Variants in ARHGAP30 observed in about 807,000 individuals in gnomAD.
ARHGAP30 encodes the protein rho GTPase-activating protein 30.
Under a neutral mutation model 72.0 loss-of-function variants are expected in ARHGAP30, and 23 were observed. The ratio of observed to expected loss-of-function variants is 0.32; its 90% CI spans 0.23 to 0.45. The LOEUF is 0.45. Ranked by LOEUF, ARHGAP30 falls within the 20% of genes least tolerant of loss-of-function variation. The pLI, the probability that ARHGAP30 is intolerant of heterozygous loss-of-function variation, is 1.00. For missense variants in ARHGAP30, 1,319 were observed against 1,383.4 expected (o/e 0.95, Z 0.74); for synonymous variants, 576 against 528.2 (o/e 1.09, Z -1.24).
intron 1 of ARHGAP30, among the ~76,000 whole-genome samples, chr1:161,064,953 GA>G (rs532916101): frequency 1.4e-4 from 21 of 151,686 alleles, no homozygotes; most frequent in Non-Finnish European, 2.4e-4. Context: ...GGGAAGAAGG[GA>G]AGGGAAGGGG....
intron 5 of ARHGAP30, 43 bp downstream of exon 5, chr1:161,054,323 G>A (rs368436873): frequency 8.3e-6 from 13 of 1,566,424 alleles, no homozygotes; most frequent in Non-Finnish European, 1.1e-5. Context: ...CCAAAGGCCA[G>A]TGTCTCACAG....
chr1:161,069,300 C>A lies in ARHGAP30; in HGVS notation c.97+228G>T, dbSNP rs1172596728. Among the ~76,000 whole-genome samples the A allele has an allele frequency of 6.6e-6, 1 of 152,134 alleles. No homozygotes were observed. The highest frequency in any genetic ancestry group is 1.5e-5 in the Non-Finnish European group (1 of 68,014). On this transcript the variant is annotated intron_variant, in intron 1 of 11. Coordinates refer to ENST00000368013, the MANE Select transcript of ARHGAP30 (RefSeq NM_001025598.2). The surrounding 1 kb of genome is among the most constrained non-coding windows in gnomAD (Gnocchi z 4.9). ...GCTACCTGGGTACTCACATTCTCAT[C>A]CCCTCAGCCACCCCATCCCCAGAAA...
Position 161,053,466 on chromosome 1 carries a change from CT to C in ARHGAP30, c.537-82del, listed in dbSNP as rs1427925467. ...ATTCTCCCTGAAAATACCTTATTCT[CT>C]CTCTCTCTCTCTCTCTCTCTCTCTC... On this transcript the variant is annotated intron_variant, in intron 5 of 11. Coordinates refer to ENST00000368013, the MANE Select transcript of ARHGAP30 (RefSeq NM_001025598.2). The C allele has an allele frequency of 4.5e-5, 22 of 484,810 alleles. No individual in the cohort carries two copies. The African/African-American group carries it at 2.7e-3, about 59-fold the overall frequency. The allele number at this position is 484,810 out of a possible 1,614,324, so 30.0% of individuals were successfully genotyped here.
intron 11 of ARHGAP30, 30 bp from the exon 12 acceptor site, chr1:161,049,364 A>G: frequency 6.2e-7 from 1 of 1,603,304 alleles, no homozygotes; most frequent in Non-Finnish European, 8.5e-7. Flanking sequence ...ACTCAGGACC[A>G]GGAGGCCCTG....
intron 9 of ARHGAP30, 114 bp downstream of exon 9, chr1:161,052,172 C>T (rs1571080855): frequency 9.1e-7 from 1 of 1,097,990 alleles, no homozygotes; most frequent in South Asian, 1.3e-5. Context: ...ATATAATAGG[C>T]ACTCATTAAA....
Position 161,069,499 on chromosome 1 carries a change from C to A in ARHGAP30, c.97+29G>T, listed in dbSNP as rs1345890867. 1 of 1,599,612 alleles carries A rather than the reference C, an allele frequency of 6.3e-7. No individual in the cohort carries two copies. Among genetic ancestry groups the A allele is most frequent in the South Asian group, 1.1e-5 (1 of 90,956 alleles). ...CAGATGCCCAGTGCCTCCCCACCCA[C>A]CCTGCAGAAGCTGAGCCGGCCTCCT... On this transcript the variant is annotated intron_variant, in intron 1 of 11. Transcript: ENST00000368013. This position sits in a 1 kb window ranked among gnomAD's most constrained non-coding sequence, Gnocchi z 4.9.
Position 161,049,079 on chromosome 1 carries a change from C to T in ARHGAP30, c.1942G>A (p.Gly648Ser), listed in dbSNP as rs775411304. 4 of 1,614,152 alleles carry T rather than the reference C, an allele frequency of 2.5e-6. No individual in the cohort carries two copies. Among genetic ancestry groups the T allele is most frequent in the African/African-American group, 1.3e-5 (1 of 75,052 alleles). ...AGCGRQALGQ[G>S]GEEQACWEVG... is the part of the protein sequence containing the mutation. ...TCCCAGCATGCCTGCTCTTCCCCAC[C>T]CTGTCCCAGAGCCTGCCTTCCACAT... Residue 648 changes from glycine to serine, a missense_variant, in exon 12 of 12, where the codon GGT becomes AGT. This residue lies in a region of ARHGAP30 where 1,097 missense variants were observed against 1,045.2 expected (regional missense o/e 1.05). Transcript: ENST00000368013.
chr1:161,061,059 T>G (rs1365729169), intron 1 of ARHGAP30, among the ~76,000 whole-genome samples: 1 of 151,892 alleles, frequency 6.6e-6, no homozygotes, highest in Non-Finnish European at 1.5e-5. Context: ...TGAAGGAACA[T>G]TAGTTGTCCC....
At chr1:161,064,354 A>G (rs924867929) in intron 1 of ARHGAP30, among the ~76,000 whole-genome samples, 4 of 152,272 alleles carry the variant, frequency 2.6e-5, no homozygotes, top group Non-Finnish European at 5.9e-5. Flanking sequence ...TTAATCAATT[A>G]TGAGAATCAA....
intron 10 of ARHGAP30, among the ~76,000 whole-genome samples, chr1:161,050,723 C>T (rs533794828): frequency 6.6e-6 from 1 of 152,198 alleles, no homozygotes; most frequent in African/African-American, 2.4e-5. Flanking sequence ...TCGCTGCAGC[C>T]TCTGCCTCCT....
chr1:161,053,790 C>A (rs1048341644), intron 5 of ARHGAP30, among the ~76,000 whole-genome samples: 7 of 152,210 alleles, frequency 4.6e-5, no homozygotes, highest in African/African-American at 1.4e-4. Flanking sequence ...TGAGGCCGGA[C>A]AGAGTGGCTC....
chr1:161,060,735 TCTGTTGCCCAG>T (rs1652255001), intron 1 of ARHGAP30, among the ~76,000 whole-genome samples: 1 of 128,222 alleles, frequency 7.8e-6, no homozygotes, highest in African/African-American at 3.1e-5. Flanking sequence ...GGAGTCTCAC[TCTGTTGCCCAG>T]GCTGGAGTGC....
chr1:161,067,296 G>C (rs751866153), intron 1 of ARHGAP30, among the ~76,000 whole-genome samples: 3 of 152,198 alleles, frequency 2.0e-5, no homozygotes, highest in African/African-American at 7.2e-5. Flanking sequence ...CAATCGGCCA[G>C]GTGCGGTGGC....
intron 1 of ARHGAP30, among the ~76,000 whole-genome samples, chr1:161,064,087 T>A (rs977670125): frequency 6.6e-6 from 1 of 152,254 alleles, no homozygotes; most frequent in African/African-American, 2.4e-5. Context: ...GTTAAGTACT[T>A]GATGTCTGTC....
chr1:161,049,988 C>T (rs1651232036), intron 10 of ARHGAP30, among the ~76,000 whole-genome samples: 1 of 152,162 alleles, frequency 6.6e-6, no homozygotes, highest in Non-Finnish European at 1.5e-5. Context: ...AGAGATTAAG[C>T]AATTTGTCTA....
chr1:161,057,741 G>T (rs966063478), intron 2 of ARHGAP30, among the ~76,000 whole-genome samples: 5 of 152,232 alleles, frequency 3.3e-5, no homozygotes, highest in South Asian at 2.1e-4. Flanking sequence ...TAGGCCGGGC[G>T]CAGTGGCTCA....
chr1:161,068,876 T>G (rs912446579), intron 1 of ARHGAP30, among the ~76,000 whole-genome samples: 1 of 152,068 alleles, frequency 6.6e-6, no homozygotes, highest in Non-Finnish European at 1.5e-5. Context: ...CTCTCTTTCA[T>G]TCTTCCCCAT....
rs138976951 is a variant in ARHGAP30, at chr1:161,048,240, A to C, written c.2781T>G (p.Thr927=). 1 of 1,614,040 alleles carries C rather than the reference A, an allele frequency of 6.2e-7. No homozygotes were observed. The highest frequency in any genetic ancestry group is 1.3e-5 in the African/African-American group (1 of 74,920). The part of the protein sequence containing the change: ...LGGVGMRLAS[T]LVQVQQVRSV... ...AGCGGACCTGTTGGACCTGAACCAG[A>C]GTGGAAGCTAGACGCATGCCCACGC... is the stretch of plus-strand genomic sequence containing the variant. Residue 927 remains threonine, a synonymous_variant, in exon 12 of 12, where the codon ACT becomes ACG. Transcript: ENST00000368013.
At position 161,069,451 on chromosome 1, in the gene ARHGAP30, G is replaced by C; in HGVS notation, c.97+77C>G. ...CCCAGGAGCACCGGAAACTGCTTCTGCCCTTCAGGCTGGATCGGGCTGCAG... is the reference window on the plus strand; with the variant it reads ...CCCAGGAGCACCGGAAACTGCTTCTCCCCTTCAGGCTGGATCGGGCTGCAG... On this transcript the variant is annotated intron_variant, in intron 1 of 11. Transcript: ENST00000368013. The surrounding 1 kb of genome is among the most constrained non-coding windows in gnomAD (Gnocchi z 4.9). 6.8e-7 allele frequency: 1 copy of C among 1,462,234 alleles called. No individual in the cohort carries two copies. The highest frequency in any genetic ancestry group is 9.5e-7 in the Non-Finnish European group (1 of 1,057,446). 90.6% of individuals were successfully genotyped at this position (1,462,234 alleles called of 1,614,324 possible). A position where few individuals can be genotyped will look rare whatever the true frequency, so the allele number is the denominator to read the frequency against.
Sources: allele counts gnomAD v4.1 joint callset (sites outside exome capture counted in the v4.1 genomes callset), GRCh38; gene constraint gnomAD v4.1.1; regional missense constraint gnomAD v4.1.1; non-coding constraint Gnocchi (gnomAD v3.1); transcripts MANE v1.5; gene names NCBI Gene and HGNC (gene_info 2026-07-23, HGNC 2026-07-21).